TMPRSS11E: variants seen among roughly 807,000 people sequenced by gnomAD.
The protein encoded by TMPRSS11E is transmembrane protease serine 11E.
Under a neutral mutation model 48.1 loss-of-function variants are expected in TMPRSS11E, and 38 were observed. That is an observed-to-expected ratio of 0.79 (90% CI 0.61 to 1.04). The LOEUF is 1.04. TMPRSS11E is among the 50% of genes least tolerant of loss of function. The pLI is 0.00. For missense variants in TMPRSS11E, 530 were observed against 510.8 expected, an observed-to-expected ratio of 1.04 and a Z score of -0.36; for synonymous variants, 158 against 171.9, an observed-to-expected ratio of 0.92 and a Z score of 0.63.
intron 9 of TMPRSS11E, among the ~76,000 whole-genome samples, chr4:68,479,682 T>A (rs1729351825): frequency 6.6e-6 from 1 of 151,288 alleles, no homozygotes; most frequent in Non-Finnish European, 1.5e-5. Flanking sequence ...TTGCTTTATA[T>A]TTTGAGAACC....
Position 68,477,563 on chromosome 4 carries a change from C to T in TMPRSS11E, c.902C>T (p.Ala301Val), listed in dbSNP as rs936989345. 1 of 1,613,976 alleles carries T rather than the reference C, an allele frequency of 6.2e-7. No individual in the cohort carries two copies. Among genetic ancestry groups the T allele is most frequent in the Non-Finnish European group, 8.5e-7 (1 of 1,179,966 alleles). ...NAVHRVCLPD[A>V]SYEFQPGDVM... ...GTACATAGAGTTTGTCTCCCTGATG[C>T]ATCCTATGAGTTTCAACCAGGTGAT... The change falls in exon 8 of 10, where the codon GCA becomes GTA. Residue 301 changes from alanine (A) to valine (V), a missense_variant. Ala to Val is a moderately conservative substitution (Grantham distance 64). Transcript: ENST00000305363.
At chr4:68,469,061 A>G in intron 4 of TMPRSS11E, 115 bp downstream of exon 4, 3 of 871,030 alleles carry the variant, frequency 3.4e-6, no homozygotes, top group Non-Finnish European at 3.8e-6. Context: ...AACATTTGAC[A>G]CTTGTCCTGT....
In TMPRSS11E at chr4:68,471,469, G is replaced by A. The variant is rs773979057; in HGVS notation, c.336G>A (p.Lys112=). 3.0e-6 allele frequency: 4 copies of A among 1,332,740 alleles called. No homozygotes were observed. Among genetic ancestry groups the A allele is most frequent in the South Asian group, 1.3e-5 (1 of 76,356 alleles). The allele number at this position is 1,332,740 out of a possible 1,614,324, so 82.6% of individuals were successfully genotyped here. Residue 112 remains lysine, a synonymous_variant, in exon 5 of 10, where the codon AAG becomes AAA. Coordinates refer to ENST00000305363, the MANE Select transcript of TMPRSS11E (RefSeq NM_014058.4). Reference sequence around the variant, plus strand: ...CTTTTTTGGCCCACAGTCAACAGAAGCATGGAGTGTTGGCTCATATGCTGT... The same window carrying A: ...CTTTTTTGGCCCACAGTCAACAGAAACATGGAGTGTTGGCTCATATGCTGT... The part of the protein sequence containing the change: ...KSQVIKFSQQ[K]HGVLAHMLLI...
rs1343594957 is a variant in TMPRSS11E, at chr4:68,472,165, T to G, written c.490+542T>G. 5.9e-5 allele frequency among the ~76,000 whole-genome samples: 9 copies of G among 152,028 alleles called. No individual in the cohort carries two copies. The South Asian group carries it at 1.9e-3, about 31-fold the overall frequency. The stretch of plus-strand genomic sequence containing the variant: ...GTAGGGCCACATGGGACAAAACAAG[T>G]GATGATAGGTCCTCACATTTAGAAA... On this transcript the variant is annotated intron_variant, in intron 5 of 9. Coordinates refer to ENST00000305363, the MANE Select transcript of TMPRSS11E (RefSeq NM_014058.4).
chr4:68,482,525 G>A (rs915622320), intron 9 of TMPRSS11E, among the ~76,000 whole-genome samples: 12 of 149,508 alleles, frequency 8.0e-5, no homozygotes, highest in Non-Finnish European at 8.9e-5. Context: ...AGGCCAAGGT[G>A]GGTGGATTTC....
intron 1 of TMPRSS11E, among the ~76,000 whole-genome samples, chr4:68,458,414 G>A (rs374818321): frequency 6.6e-5 from 10 of 152,230 alleles, no homozygotes; most frequent in African/African-American, 2.4e-4. Context: ...CATGTCTCCA[G>A]ATTGAAAAGA....
At chr4:68,490,397 A>T (rs1289366903) in intron 9 of TMPRSS11E, among the ~76,000 whole-genome samples, 1 of 152,168 alleles carries the variant, frequency 6.6e-6, no homozygotes, top group Non-Finnish European at 1.5e-5. Flanking sequence ...TCTAGATCTT[A>T]TTTAAATTTT....
rs1729900554 is a variant in TMPRSS11E, at chr4:68,497,319, T to C, written c.*515T>C. 6.6e-6 allele frequency: 1 copy of C among 152,196 alleles called. No individual in the cohort carries two copies. The highest frequency in any genetic ancestry group is 6.6e-5 in the Admixed American group (1 of 15,242). 9.4% of individuals were successfully genotyped at this position (152,196 alleles called of 1,614,324 possible). On this transcript the variant is annotated 3_prime_UTR_variant, in exon 10 of 10. Transcript: ENST00000305363. ...CTTAGTGGAATATTAGAAATGATCA[T>C]ATTCATTATGAAAGGTCAAGCAAAG...
In TMPRSS11E at chr4:68,477,467, A is replaced by G; in HGVS notation, c.806A>G (p.Tyr269Cys). ...GLRRIIVHEK[Y>C]KHPSHDYDIS... ...CGGAGAATAATTGTCCATGAAAAATACAAACACCCATCACATGACTATGAT... is the reference window on the plus strand; with the variant it reads ...CGGAGAATAATTGTCCATGAAAAATGCAAACACCCATCACATGACTATGAT... The change falls in exon 8 of 10, where the codon TAC (tyrosine) becomes TGC (cysteine). Residue 269 changes from tyrosine to cysteine, a missense_variant. By Grantham distance (194) the Tyr-to-Cys change is radical. Coordinates refer to ENST00000305363, the MANE Select transcript of TMPRSS11E (RefSeq NM_014058.4). The G allele has an allele frequency of 1.2e-6, 2 of 1,614,132 alleles. No homozygotes were observed. Among genetic ancestry groups the G allele is most frequent in the Middle Eastern group, 1.6e-4 (1 of 6,062 alleles).
chr4:68,472,544 G>T (rs376262872), intron 5 of TMPRSS11E, among the ~76,000 whole-genome samples: 1 of 151,964 alleles, frequency 6.6e-6, no homozygotes, highest in African/African-American at 2.4e-5. Flanking sequence ...ATTGGCCACA[G>T]GTGGCTAGTG....
chr4:68,477,361 C>T lies in TMPRSS11E; in HGVS notation c.708-8C>T. 2 of 1,580,920 alleles carry T rather than the reference C, an allele frequency of 1.3e-6. No individual in the cohort carries two copies. Among genetic ancestry groups the T allele is most frequent in the African/African-American group, 1.4e-5 (1 of 72,758 alleles). On this transcript the variant is annotated splice_region_variant and splice_polypyrimidine_tract_variant and intron_variant, in intron 7 of 9. Coordinates refer to ENST00000305363, the MANE Select transcript of TMPRSS11E (RefSeq NM_014058.4). ...AAAGAAATTTATTCTTCATTTTTTT[C>T]TCCCCAGATATAAGAACCCTGCCAG... is the stretch of plus-strand genomic sequence containing the variant.
intron 9 of TMPRSS11E, among the ~76,000 whole-genome samples, chr4:68,488,500 A>T (rs140509852): frequency 0.039 from 5,853 of 151,754 alleles, 397 homozygotes; most frequent in African/African-American, 0.13. Flanking sequence ...GCTCTAGGAG[A>T]TCAGTTTCTC....
intron 9 of TMPRSS11E, among the ~76,000 whole-genome samples, chr4:68,491,666 G>C (rs1729726703): frequency 6.6e-6 from 1 of 152,102 alleles, no homozygotes; most frequent in Admixed American, 6.5e-5. Context: ...GGTTCCTTCT[G>C]TGTGTCACTA....
chr4:68,474,820 G>A (rs182438139), intron 6 of TMPRSS11E, 59 bp downstream of exon 6: 1 of 1,388,970 alleles, frequency 7.2e-7, no homozygotes, highest in African/African-American at 1.5e-5. Flanking sequence ...TAACACTATA[G>A]GTCATTTAGG....
At chr4:68,489,988 G>A (rs1038087266) in intron 9 of TMPRSS11E, among the ~76,000 whole-genome samples, 4 of 152,160 alleles carry the variant, frequency 2.6e-5, no homozygotes, top group African/African-American at 9.7e-5. Context: ...CAACTCTCCA[G>A]GCTGTTCTCC....
intron 8 of TMPRSS11E, among the ~76,000 whole-genome samples, chr4:68,477,833 A>G (rs1729275088): frequency 1.3e-5 from 2 of 152,184 alleles, no homozygotes; most frequent in East Asian, 3.8e-4. Context: ...CTCCTACTAT[A>G]TACTACAGTC....
chr4:68,458,915 A>T (rs1728711652), intron 1 of TMPRSS11E, among the ~76,000 whole-genome samples: 1 of 152,096 alleles, frequency 6.6e-6, no homozygotes, highest in South Asian at 2.1e-4. Context: ...TGATTTTTCC[A>T]CTTGGGAGCT....
chr4:68,479,679 A>G (rs1486802462), intron 9 of TMPRSS11E, among the ~76,000 whole-genome samples: 1 of 151,304 alleles, frequency 6.6e-6, no homozygotes, highest in Non-Finnish European at 1.5e-5. Flanking sequence ...TATTTGCTTT[A>G]TATTTTGAGA....
At chr4:68,459,199 A>G (rs1728719870) in intron 1 of TMPRSS11E, among the ~76,000 whole-genome samples, 2 of 152,108 alleles carry the variant, frequency 1.3e-5, no homozygotes, top group South Asian at 4.1e-4. Context: ...GCATGTCACT[A>G]AAATAGTTGT....
Sources: gnomAD v4.1 joint callset for allele counts (sites outside exome capture counted in the v4.1 genomes callset) on GRCh38, gnomAD v4.1.1 for gene constraint, MANE v1.5 for transcripts, NCBI Gene and HGNC (gene_info 2026-07-23, HGNC 2026-07-21) for gene names.